The following PNPLA6 variants were observed in gnomAD, a reference collection of about 807,000 sequenced individuals.
PNPLA6 encodes the protein patatin like domain 6, lysophospholipase.
Under a neutral mutation model 153.7 loss-of-function variants are expected in PNPLA6, and 105 were observed. The observed-to-expected ratio is 0.68, with a 90% confidence interval of 0.58 to 0.80. PNPLA6 has a LOEUF of 0.80. Among genes scored for constraint, PNPLA6 ranks in the 30% least tolerant of loss-of-function variants. The pLI is 0.00. For synonymous variants in PNPLA6, 825 were observed against 822.2 expected (o/e 1.00, Z -0.06); for missense variants, 1,423 against 1,919.3 (o/e 0.74, Z 4.83).
chr19:7,561,145 G>A, intron 30 of PNPLA6, 35 bp downstream of exon 30: 4 of 1,594,172 alleles, frequency 2.5e-6, no homozygotes, highest in Non-Finnish European at 2.6e-6. Flanking sequence ...AGAGGGAGGG[G>A]AGTGGCTGGA....
chr19:7,558,565 G>A (rs905088005), intron 27 of PNPLA6, among the ~76,000 whole-genome samples: 11 of 152,184 alleles, frequency 7.2e-5, no homozygotes, highest in Non-Finnish European at 1.2e-4. Context: ...CCGGGAGGTG[G>A]AGGTTGCATC....
intron 10 of PNPLA6, 128 bp downstream of exon 10, chr19:7,542,195 T>G (rs1568409607): frequency 1.4e-6 from 1 of 732,582 alleles, no homozygotes; most frequent in South Asian, 1.5e-5. Flanking sequence ...CCAGGCACTG[T>G]TTTGTAGATA....
At chr19:7,539,780 AG>A in intron 3 of PNPLA6, 137 bp from the exon 4 acceptor site, 4 of 546,190 alleles carry the variant, frequency 7.3e-6, no homozygotes, top group South Asian at 2.3e-5. Context: ...AAAAAAAAAA[AG>A]GTGGCCAGCC....
chr19:7,551,321 T>A, intron 17 of PNPLA6, 41 bp from the exon 18 acceptor site: 1 of 1,595,642 alleles, frequency 6.3e-7, no homozygotes, highest in Non-Finnish European at 8.6e-7. Context: ...GGACAGCCGC[T>A]TCCCAGGTCT....
intron 26 of PNPLA6, 79 bp from the exon 27 acceptor site, chr19:7,557,089 G>A: frequency 3.7e-6 from 4 of 1,072,932 alleles, no homozygotes; most frequent in East Asian, 2.4e-5. Context: ...CCAGGTCAGC[G>A]AGCCCATCGG....
intron 13 of PNPLA6, among the ~76,000 whole-genome samples, chr19:7,543,319 G>T (rs1422227839): frequency 1.4e-5 from 2 of 147,916 alleles, no homozygotes; most frequent in Admixed American, 1.3e-4. Flanking sequence ...TGAACCTTTT[G>T]CCCTAGGACT....
intron 27 of PNPLA6, 45 bp downstream of exon 27, chr19:7,557,329 A>G (rs763804299): frequency 1.7e-6 from 2 of 1,185,364 alleles, no homozygotes; most frequent in Admixed American, 1.7e-5. Flanking sequence ...CACCTCCCGC[A>G]CCACACACAC....
Position 7,541,203 on chromosome 19 carries a change from C to T in PNPLA6, c.925-151C>T. On this transcript the variant is annotated intron_variant, in intron 7 of 31. Coordinates refer to ENST00000600737, the MANE Select transcript of PNPLA6 (RefSeq NM_001166114.2). This position sits in a 1 kb window ranked among gnomAD's most constrained non-coding sequence, Gnocchi z 5.2. ...AGCCAGATGTCTGCAGCCGCGGACT[C>T]CTCCCTTAGCTGCCTCGCCCCATTT... 9.1e-7 allele frequency: 1 copy of T among 1,099,444 alleles called. No individual in the cohort carries two copies. Among genetic ancestry groups the T allele is most frequent in the Non-Finnish European group, 1.3e-6 (1 of 742,764 alleles). 68.1% of individuals were successfully genotyped at this position (1,099,444 alleles called of 1,614,324 possible). A position where few individuals can be genotyped will look rare whatever the true frequency, so the allele number is the denominator to read the frequency against.
At position 7,535,878 on chromosome 19, in the gene PNPLA6, G is replaced by A. The variant is rs1261408572; in HGVS notation, c.90G>A (p.Gly30=). Reference sequence around the variant, plus strand: ...GGTTCCAGGACGTCCTGGCGCCCGGGGAAGGCTCGGCGGGACGGATTTGCG... The same window carrying A: ...GGTTCCAGGACGTCCTGGCGCCCGGAGAAGGCTCGGCGGGACGGATTTGCG... ...RDGFQDVLAP[G]EGSAGRICGA... is the part of the protein sequence containing the mutation. The change falls in exon 1 of 32, where the codon GGG becomes GGA. Residue 30 remains glycine, a synonymous_variant. Transcript: ENST00000600737. The surrounding 1 kb of genome is among the most constrained non-coding windows in gnomAD (Gnocchi z 5.0). The A allele has an allele frequency of 5.2e-6, 8 of 1,543,616 alleles. No homozygotes were observed. The South Asian group carries it at 7.1e-5, about 14-fold the overall frequency.
chr19:7,557,370 G>A (rs1052602736), intron 27 of PNPLA6, 86 bp downstream of exon 27: 14 of 870,786 alleles, frequency 1.6e-5, no homozygotes, highest in African/African-American at 8.2e-5. Flanking sequence ...AGACAGGCTC[G>A]ATGACGGGAC....
Position 7,561,475 on chromosome 19 carries a change from C to T in PNPLA6, c.4024-13C>T, listed in dbSNP as rs78093267. 1.8e-4 allele frequency: 294 copies of T among 1,600,454 alleles called. No homozygotes were observed. In the East Asian group the frequency reaches 6.2e-3, roughly 34 times the overall value. ...CCCGTGCTGGGTGACGTGTGTGTGACCTTCCCTCGCAGGAGGAGGAGAAGT... is the reference window on the plus strand; with the variant it reads ...CCCGTGCTGGGTGACGTGTGTGTGATCTTCCCTCGCAGGAGGAGGAGAAGT... On this transcript the variant is annotated splice_polypyrimidine_tract_variant and intron_variant, in intron 31 of 31. Transcript: ENST00000600737.
intron 16 of PNPLA6, 129 bp downstream of exon 16, chr19:7,550,769 A>C: frequency 3.2e-6 from 4 of 1,241,560 alleles, no homozygotes; most frequent in South Asian, 1.3e-5. Context: ...CACCCAGTCC[A>C]CTCCCCGCCC....
chr19:7,536,926 CAAAAAAAA>C (rs56310906), intron 3 of PNPLA6, among the ~76,000 whole-genome samples: 30 of 53,978 alleles, frequency 5.6e-4, no homozygotes, highest in Admixed American at 1.1e-3. Flanking sequence ...GACTCTGTCT[CAAAAAAAA>C]AAAAAAAAAA....
chr19:7,551,205 G>A, intron 17 of PNPLA6, 98 bp downstream of exon 17: 1 of 892,442 alleles, frequency 1.1e-6, no homozygotes, highest in Non-Finnish European at 1.8e-6. Flanking sequence ...GAGGGGCGGG[G>A]TCGAGGGAGG....
At chr19:7,560,545 C>A in intron 28 of PNPLA6, 103 bp from the exon 29 acceptor site, 1 of 822,360 alleles carries the variant, frequency 1.2e-6, no homozygotes, top group Non-Finnish European at 2.1e-6. Context: ...AAATGCAACT[C>A]CCCCAGAGAA....
intron 18 of PNPLA6, 150 bp downstream of exon 18, chr19:7,551,587 C>T (rs572230194): frequency 6.7e-5 from 48 of 721,164 alleles, no homozygotes; most frequent in Non-Finnish European, 1.1e-4. Flanking sequence ...TAAGTAGGAC[C>T]CAGGTGCAGA....
chr19:7,541,940 T>C lies in PNPLA6; in HGVS notation c.1169-44T>C. The C allele has an allele frequency of 2.0e-6, 3 of 1,507,796 alleles. No individual in the cohort carries two copies. The highest frequency in any genetic ancestry group is 2.8e-6 in the Non-Finnish European group (3 of 1,090,290). The allele number at this position is 1,507,796 out of a possible 1,614,324, so 93.4% of individuals were successfully genotyped here. On this transcript the variant is annotated intron_variant, in intron 9 of 31. Coordinates refer to ENST00000600737, the MANE Select transcript of PNPLA6 (RefSeq NM_001166114.2). The surrounding 1 kb of genome is among the most constrained non-coding windows in gnomAD (Gnocchi z 5.2). ...TTATCTCCCAACCTGCTAATCCTCC[T>C]AGTGGCTCTGAGGGGCAGGAGCCTG...
Position 7,541,017 on chromosome 19 carries a change from C to T in PNPLA6, c.890C>T (p.Thr297Ile). 1 of 1,610,976 alleles carries T rather than the reference C, an allele frequency of 6.2e-7. No homozygotes were observed. The highest frequency in any genetic ancestry group is 1.7e-4 in the Middle Eastern group (1 of 5,878). ...GTGGAAGCATTCTCCGCGGTCTTCACCAAGTACCCGGAGAGCTTGGTGCGG... is the reference window on the plus strand; with the variant it reads ...GTGGAAGCATTCTCCGCGGTCTTCATCAAGTACCCGGAGAGCTTGGTGCGG... ...LPVEAFSAVF[T>I]KYPESLVRVV... Residue 297 changes from threonine (T) to isoleucine (I), a missense_variant, in exon 7 of 32, where the codon ACC becomes ATC. Around this residue, in one of 10 missense-constraint regions of PNPLA6, gnomAD observed 118 missense variants for 158.8 expected, o/e 0.74. Coordinates refer to ENST00000600737, the MANE Select transcript of PNPLA6 (RefSeq NM_001166114.2). The surrounding 1 kb of genome is among the most constrained non-coding windows in gnomAD (Gnocchi z 5.2).
chr19:7,534,950 C>A (rs1385806981), upstream of PNPLA6: 1 of 160,086 alleles, frequency 6.2e-6, no homozygotes, highest in East Asian at 1.8e-4. Context: ...ACTCCCGTGC[C>A]TCCCAGCTCC....
Sources: allele counts gnomAD v4.1 joint callset (sites outside exome capture counted in the v4.1 genomes callset), GRCh38; gene constraint gnomAD v4.1.1; regional missense constraint gnomAD v4.1.1; non-coding constraint Gnocchi (gnomAD v3.1); transcripts MANE v1.5; gene names NCBI Gene and HGNC (gene_info 2026-07-23, HGNC 2026-07-21).